The following CALN1 variants were observed in gnomAD, a reference collection of about 807,000 sequenced individuals.
The protein encoded by CALN1 is calcium-binding protein 8.
A neutral mutation model predicts 30.6 loss-of-function variants in CALN1; 17 were observed. The observed-to-expected ratio is 0.56, with a 90% confidence interval of 0.38 to 0.83. The LOEUF is 0.83. Among genes scored for constraint, CALN1 ranks in the 40% least tolerant of loss-of-function variants. The pLI is 0.00. For synonymous variants in CALN1, 156 were observed against 131.4 expected, an observed-to-expected ratio of 1.19 and a Z score of -1.28; for missense variants, 291 against 354.9, an observed-to-expected ratio of 0.82 and a Z score of 1.45.
At chr7:71,945,034 G>A (rs1005859893) in intron 5 of CALN1, among the ~76,000 whole-genome samples, 1 of 152,148 alleles carries the variant, frequency 6.6e-6, no homozygotes, top group Non-Finnish European at 1.5e-5. Context: ...TCATAGGGGC[G>A]GATCCCTCAT....
the CALN1 span, among the ~76,000 whole-genome samples, chr7:72,486,727 A>T: frequency 4.6e-5 from 7 of 152,122 alleles, no homozygotes; most frequent in African/African-American, 1.7e-4. Flanking sequence ...AGGTCTAAAA[A>T]AGTGTTTTTG....
At chr7:72,456,891 C>A in the CALN1 span, among the ~76,000 whole-genome samples, 1 of 151,796 alleles carries the variant, frequency 6.6e-6, no homozygotes, top group African/African-American at 2.4e-5. Context: ...CTCAACCATA[C>A]GGCATATCTA....
At chr7:71,897,974 A>AAAC (rs1793622802) in intron 5 of CALN1, among the ~76,000 whole-genome samples, 1 of 108,892 alleles carries the variant, frequency 9.2e-6, no homozygotes, top group African/African-American at 4.5e-5. Context: ...ACAAAAAACA[A>AAAC]AAAAAAAAAA....
intron 5 of CALN1, among the ~76,000 whole-genome samples, chr7:71,958,209 T>C (rs1260316316): frequency 1.3e-5 from 2 of 152,106 alleles, no homozygotes; most frequent in South Asian, 2.1e-4. Context: ...ATAGCGTACA[T>C]TGTACCCAAC....
the CALN1 span, among the ~76,000 whole-genome samples, chr7:72,458,750 T>A: frequency 1.9e-4 from 21 of 109,650 alleles, 2 homozygotes; most frequent in Middle Eastern, 0.018. Flanking sequence ...ATAATATATT[T>A]TATAATATAT....
intron 4 of CALN1, among the ~76,000 whole-genome samples, chr7:72,047,005 C>T (rs1802515565): frequency 6.6e-6 from 1 of 152,118 alleles, no homozygotes; most frequent in African/African-American, 2.4e-5. Context: ...GTCAAGGCTG[C>T]AGTGAGCCAA....
At chr7:72,049,810 T>C (rs950001381) in intron 4 of CALN1, among the ~76,000 whole-genome samples, 1 of 88,994 alleles carries the variant, frequency 1.1e-5, no homozygotes, top group African/African-American at 7.1e-5. Context: ...GCCAAGTCTA[T>C]TTCTTTTTTT....
At chr7:72,025,392 A>G (rs948289093) in intron 4 of CALN1, among the ~76,000 whole-genome samples, 1 of 152,204 alleles carries the variant, frequency 6.6e-6, no homozygotes, top group African/African-American at 2.4e-5. Flanking sequence ...CTCACAAGCA[A>G]AAGATTGTCA....
chr7:71,923,780 AC>A lies in CALN1; in HGVS notation c.501+99876del, dbSNP rs1304546278. On this transcript the variant is annotated intron_variant, in intron 5 of 6. Transcript: ENST00000395275. ...AGACACAGATGCACTTTTTTAGAGC[AC>A]CACAATAGACCACAGTGTTCCCCTC... 1.0e-4 allele frequency among the ~76,000 whole-genome samples: 13 copies of A among 129,888 alleles called. 1 individual carries two copies. In the East Asian group the frequency reaches 2.1e-3, roughly 21 times the overall value. The allele number at this position is 129,888 out of a possible 152,430, so 85.2% of individuals were successfully genotyped here. A position where few individuals can be genotyped will look rare whatever the true frequency, so the allele number is the denominator to read the frequency against.
chr7:71,980,596 TAGC>T (rs1798343488), intron 5 of CALN1, among the ~76,000 whole-genome samples: 1 of 152,214 alleles, frequency 6.6e-6, no homozygotes, highest in Non-Finnish European at 1.5e-5. Context: ...ACTCAGGATC[TAGC>T]AGCAGTACAC....
intron 3 of CALN1, among the ~76,000 whole-genome samples, chr7:72,189,238 T>C (rs940466882): frequency 7.2e-5 from 11 of 152,318 alleles, no homozygotes; most frequent in African/African-American, 2.6e-4. Context: ...TTGGGGTTGA[T>C]GTCAGGGAGC....
At chr7:72,313,951 T>C (rs770265166) in intron 2 of CALN1, among the ~76,000 whole-genome samples, 2 of 152,084 alleles carry the variant, frequency 1.3e-5, no homozygotes, top group African/African-American at 2.4e-5. Flanking sequence ...CTATTGTGGG[T>C]CTACACCACA....
At chr7:72,419,884 C>G (rs573356034) in intron 1 of CALN1, among the ~76,000 whole-genome samples, 106 of 152,224 alleles carry the variant, frequency 7.0e-4, no homozygotes, top group Non-Finnish European at 5.3e-4. Context: ...ATCACCTTCT[C>G]CCCACACCAT....
chr7:72,286,316 A>G (rs1267284794), intron 2 of CALN1, among the ~76,000 whole-genome samples: 1 of 152,118 alleles, frequency 6.6e-6, no homozygotes, highest in African/African-American at 2.4e-5. Flanking sequence ...TTTTTCCTCT[A>G]GCTACTCATG....
intron 2 of CALN1, among the ~76,000 whole-genome samples, chr7:72,390,443 T>A (rs1315737832): frequency 1.3e-5 from 2 of 151,684 alleles, no homozygotes; most frequent in Non-Finnish European, 2.9e-5. Context: ...AAAGTAAAAA[T>A]TAAAAAAATA....
intron 3 of CALN1, among the ~76,000 whole-genome samples, chr7:72,205,135 T>C (rs1791731998): frequency 6.6e-6 from 1 of 151,106 alleles, no homozygotes. Flanking sequence ...ATCAATTTGA[T>C]TTTTTTTTCA....
At chr7:72,423,763 G>C (rs1807696322) in intron 1 of CALN1, among the ~76,000 whole-genome samples, 1 of 151,582 alleles carries the variant, frequency 6.6e-6, no homozygotes, top group African/African-American at 2.4e-5. Flanking sequence ...GCTGCAGTGA[G>C]CTGTGATCAT....
chr7:72,457,479 G>A, the CALN1 span, among the ~76,000 whole-genome samples: 9 of 152,100 alleles, frequency 5.9e-5, no homozygotes, highest in Non-Finnish European at 1.0e-4. Context: ...TGGGGCCTTA[G>A]TGAGTGCTGT....
chr7:72,031,539 A>G (rs897990571), intron 4 of CALN1, among the ~76,000 whole-genome samples: 5 of 152,156 alleles, frequency 3.3e-5, no homozygotes, highest in African/African-American at 1.2e-4. Context: ...ACCATGAGGC[A>G]GAGTGGGGGC....
Sources: gnomAD v4.1 joint callset for allele counts (sites outside exome capture counted in the v4.1 genomes callset) on GRCh38, gnomAD v4.1.1 for gene constraint, MANE v1.5 for transcripts, NCBI Gene and HGNC (gene_info 2026-07-23, HGNC 2026-07-21) for gene names.